The following DDAH1 variants were observed in gnomAD, a reference collection of about 807,000 sequenced individuals.
DDAH1 encodes N(G),N(G)-dimethylarginine dimethylaminohydrolase 1.
In DDAH1, 19 loss-of-function variants were observed where a neutral mutation model predicts 28.8. That is an observed-to-expected ratio of 0.66 (90% CI 0.46 to 0.97). DDAH1 has a LOEUF of 0.97. Ranked by LOEUF, DDAH1 falls within the 50% of genes least tolerant of loss-of-function variation. The pLI, the probability that DDAH1 is intolerant of heterozygous loss-of-function variation, is 0.00. For synonymous variants in DDAH1, 153 were observed against 154.4 expected (o/e 0.99, Z 0.07); for missense variants, 326 against 375.9 (o/e 0.87, Z 1.10).
intron 2 of DDAH1, among the ~76,000 whole-genome samples, chr1:85,485,942 C>G (rs1017196671): frequency 2.0e-5 from 3 of 152,170 alleles, no homozygotes; most frequent in African/African-American, 7.2e-5. Flanking sequence ...AAATCAACCC[C>G]TTTAGCTTGG....
At chr1:85,547,133 C>G (rs938653552) in intron 1 of DDAH1, among the ~76,000 whole-genome samples, 1 of 152,108 alleles carries the variant, frequency 6.6e-6, no homozygotes, top group African/African-American at 2.4e-5. Context: ...GGAGAACACC[C>G]TGGTAGGAGT....
intron 1 of DDAH1, among the ~76,000 whole-genome samples, chr1:85,504,961 C>CTTTTTTT (rs61209793): frequency 4.9e-5 from 3 of 60,836 alleles, no homozygotes; most frequent in African/African-American, 2.2e-4. Flanking sequence ...CTCAATGATT[C>CTTTTTTT]TTTTTTTTTT....
At chr1:85,523,828 T>C (rs1363629673) in intron 1 of DDAH1, among the ~76,000 whole-genome samples, 2 of 152,238 alleles carry the variant, frequency 1.3e-5, no homozygotes, top group African/African-American at 4.8e-5. Context: ...GGAGTAAAGC[T>C]GCTATTGTTG....
intron 1 of DDAH1, among the ~76,000 whole-genome samples, chr1:85,392,314 A>G (rs1056599234): frequency 2.6e-5 from 4 of 152,110 alleles, no homozygotes; most frequent in Non-Finnish European, 4.4e-5. Flanking sequence ...CTCTTCTTAT[A>G]AAGCCACAGT....
chr1:85,367,759 G>A (rs1452801176), intron 1 of DDAH1, among the ~76,000 whole-genome samples: 1 of 152,096 alleles, frequency 6.6e-6, no homozygotes, highest in Non-Finnish European at 1.5e-5. Context: ...ACATTGTTCT[G>A]TATAGATGTT....
rs777959221 is a variant in DDAH1 at position 85,324,863 on chromosome 1, G to T, written c.618C>A (p.Asp206Glu). 1.2e-6 allele frequency: 2 copies of T among 1,613,960 alleles called. No individual in the cohort carries two copies. The highest frequency in any genetic ancestry group is 2.7e-5 in the African/African-American group (2 of 74,890). ...GCACAGTGAGTTTGTCGTAGCGGTG[G>T]TCACTCATCTGTTGCATGATCTATA... ...KALKIMQQMS[D>E]HRYDKLTVPD... Residue 206 changes from aspartate to glutamate, a missense_variant, in exon 5 of 6, where the codon GAC becomes GAA. Asp to Glu is a conservative substitution (Grantham distance 45). Coordinates refer to ENST00000284031, the MANE Select transcript of DDAH1 (RefSeq NM_012137.4).
chr1:85,576,718 G>C (rs561880974), intron 1 of DDAH1: 2 of 152,646 alleles, frequency 1.3e-5, no homozygotes, highest in African/African-American at 4.8e-5. Context: ...TCAACAGGGG[G>C]GCGGACGGGA....
intron 2 of DDAH1, among the ~76,000 whole-genome samples, chr1:85,477,645 T>C (rs965722285): frequency 6.6e-6 from 1 of 151,906 alleles, no homozygotes; most frequent in African/African-American, 2.4e-5. Flanking sequence ...AGATAGTATA[T>C]GTATATGCAT....
At chr1:85,476,046 A>T (rs1000141852) in intron 2 of DDAH1, among the ~76,000 whole-genome samples, 1 of 152,020 alleles carries the variant, frequency 6.6e-6, no homozygotes, top group African/African-American at 2.4e-5. Context: ...GTGTTTTTAT[A>T]CAGACAGGTT....
intron 1 of DDAH1, among the ~76,000 whole-genome samples, chr1:85,511,186 A>T (rs1657218511): frequency 6.6e-6 from 1 of 152,220 alleles, no homozygotes; most frequent in Non-Finnish European, 1.5e-5. Context: ...AGACCTCAGG[A>T]TTAAGAAACT....
At chr1:85,446,047 T>A (rs1654413048) in intron 1 of DDAH1, among the ~76,000 whole-genome samples, 1 of 152,182 alleles carries the variant, frequency 6.6e-6, no homozygotes, top group Admixed American at 6.5e-5. Flanking sequence ...CTGGTGCATG[T>A]CTGACTGTGG....
intron 1 of DDAH1, among the ~76,000 whole-genome samples, chr1:85,386,387 AGAATG>A (rs1330691343): frequency 1.3e-5 from 2 of 152,264 alleles, no homozygotes; most frequent in Admixed American, 6.5e-5. Context: ...ATTGGACAAA[AGAATG>A]GGGTAACAAG....
At chr1:85,484,189 A>G (rs77655520) in intron 2 of DDAH1, among the ~76,000 whole-genome samples, 6,149 of 152,174 alleles carry the variant, frequency 0.04, 260 homozygotes, top group African/African-American at 0.11. Flanking sequence ...CTGTGGTTTC[A>G]GAACTTAACT....
chr1:85,321,734 G>C (rs1661354773), intron 5 of DDAH1, among the ~76,000 whole-genome samples, 166 bp from the exon 6 acceptor site: 1 of 152,130 alleles, frequency 6.6e-6, no homozygotes, highest in Non-Finnish European at 1.5e-5. Flanking sequence ...CTATAGAGCT[G>C]GTGGGAACTG....
upstream of DDAH1, chr1:85,465,286 C>G: frequency 1.0e-6 from 1 of 991,890 alleles, no homozygotes; most frequent in Non-Finnish European, 1.2e-6. Flanking sequence ...CGCGCCAGCC[C>G]AGGCGGGAGT....
At chr1:85,552,173 GT>G (rs1658812978) in intron 1 of DDAH1, among the ~76,000 whole-genome samples, 1 of 152,176 alleles carries the variant, frequency 6.6e-6, no homozygotes, top group Non-Finnish European at 1.5e-5. Flanking sequence ...CATGGCTACT[GT>G]TTCTTTTATA....
intron 1 of DDAH1, among the ~76,000 whole-genome samples, chr1:85,522,726 C>G (rs1176269284): frequency 1.3e-5 from 2 of 152,030 alleles, no homozygotes; most frequent in African/African-American, 4.8e-5. Context: ...GATATTTTCT[C>G]TCTGTTATAT....
chr1:85,576,082 TAAAAAAAAAGA>T (rs1374102302), intron 1 of DDAH1, among the ~76,000 whole-genome samples: 3 of 122,384 alleles, frequency 2.5e-5, no homozygotes, highest in Non-Finnish European at 5.5e-5. Context: ...AAATAAAATT[TAAAAAAAAAGA>T]AAAAAAAAAG....
intron 1 of DDAH1, among the ~76,000 whole-genome samples, chr1:85,385,792 G>A (rs942686503): frequency 3.9e-5 from 6 of 152,116 alleles, no homozygotes; most frequent in Non-Finnish European, 8.8e-5. Context: ...ATGTGTATTT[G>A]GCTCAAGGTT....
Sources: allele counts gnomAD v4.1 joint callset (sites outside exome capture counted in the v4.1 genomes callset), GRCh38; gene constraint gnomAD v4.1.1; transcripts MANE v1.5; gene names NCBI Gene and HGNC (gene_info 2026-07-23, HGNC 2026-07-21).